The following WDPCP variants were observed in gnomAD, a reference collection of about 807,000 sequenced individuals.
WDPCP encodes WD repeat containing planar cell polarity effector.
In WDPCP, 71 loss-of-function variants were observed where a neutral mutation model predicts 93.1. The ratio of observed to expected loss-of-function variants is 0.76; its 90% confidence interval spans 0.63 to 0.93. The LOEUF is 0.93. WDPCP is among the 40% of genes least tolerant of loss of function. The pLI is 0.00. For missense variants in WDPCP, 844 were observed against 887.4 expected (o/e 0.95, Z 0.62); for synonymous variants, 315 against 315.0 (o/e 1.00, Z 0.00).
chr2:63,304,538 T>C (rs1368977879), intron 13 of WDPCP, among the ~76,000 whole-genome samples: 2 of 152,302 alleles, frequency 1.3e-5, no homozygotes, highest in Middle Eastern at 3.4e-3. Context: ...TGTGAGGGAC[T>C]GTACCGTGAG....
At chr2:63,491,293 T>A (rs1386623927) in intron 2 of WDPCP, among the ~76,000 whole-genome samples, 1 of 152,188 alleles carries the variant, frequency 6.6e-6, no homozygotes, top group African/African-American at 2.4e-5. Context: ...TTGAAGATAT[T>A]CCTCAAATAT....
chr2:63,624,501 TA>T (rs1575732826), intron 3 of WDPCP, among the ~76,000 whole-genome samples: 1 of 152,038 alleles, frequency 6.6e-6, no homozygotes, highest in East Asian at 1.9e-4. Flanking sequence ...AAGGGGAGAT[TA>T]CCACTGATCC....
At chr2:63,274,836 A>G (rs1682956297) in intron 13 of WDPCP, among the ~76,000 whole-genome samples, 1 of 152,186 alleles carries the variant, frequency 6.6e-6, no homozygotes, top group African/African-American at 2.4e-5. Context: ...CCCAACAAAG[A>G]AAAGCCAACT....
At chr2:63,736,985 G>T (rs1669647948) in intron 2 of WDPCP, among the ~76,000 whole-genome samples, 1 of 151,904 alleles carries the variant, frequency 6.6e-6, no homozygotes, top group Non-Finnish European at 1.5e-5. Flanking sequence ...TTACCTTATA[G>T]ACTCAAACGA....
At chr2:63,479,218 G>A (rs1700133159) in intron 6 of WDPCP, among the ~76,000 whole-genome samples, 1 of 151,984 alleles carries the variant, frequency 6.6e-6, no homozygotes, top group African/African-American at 2.4e-5. Context: ...ACAAAAAAAA[G>A]TCCAGGACCA....
Position 63,588,310 on chromosome 2 carries a change from G to T in WDPCP, c.-39C>A. On this transcript the variant is annotated 5_prime_UTR_variant, in exon 1 of 18. Transcript: ENST00000272321. ...CCCGGGCAGAAGGTTCCTAGGCTAG[G>T]TCCTCGGACCCGAGAGGGAGCGACA... is the stretch of plus-strand genomic sequence containing the variant. 1 of 1,556,436 alleles carries T rather than the reference G, an allele frequency of 6.4e-7. No homozygotes were observed. The highest frequency in any genetic ancestry group is 8.7e-7 in the Non-Finnish European group (1 of 1,148,154).
At chr2:63,594,374 T>C in intron 3 of WDPCP, 2 of 878,476 alleles carry the variant, frequency 2.3e-6, no homozygotes, top group Non-Finnish European at 3.9e-6. Flanking sequence ...AAAAGGACTT[T>C]AAAATTTTAC....
chr2:63,647,413 C>T (rs1023173333), intron 3 of WDPCP, among the ~76,000 whole-genome samples: 3 of 152,102 alleles, frequency 2.0e-5, no homozygotes, highest in Non-Finnish European at 4.4e-5. Context: ...AGATTACAGG[C>T]GTGAGCCACC....
At chr2:63,484,486 A>G (rs1700447902) in intron 6 of WDPCP, 118 bp downstream of exon 6, 1 of 1,107,034 alleles carries the variant, frequency 9.0e-7, no homozygotes, top group Non-Finnish European at 1.3e-6. Flanking sequence ...CAAACTATGA[A>G]ATAACCACTG....
At chr2:63,287,657 A>G (rs938670106) in intron 13 of WDPCP, among the ~76,000 whole-genome samples, 3 of 152,198 alleles carry the variant, frequency 2.0e-5, no homozygotes, top group African/African-American at 7.2e-5. Context: ...CTTGAATTCC[A>G]GTTATAAATT....
At chr2:63,195,621 C>T (rs1675370633) in intron 14 of WDPCP, among the ~76,000 whole-genome samples, 1 of 151,796 alleles carries the variant, frequency 6.6e-6, no homozygotes, top group Admixed American at 6.6e-5. Context: ...CCAGGACAGA[C>T]ATAGATTTTT....
intron 1 of WDPCP, among the ~76,000 whole-genome samples, chr2:63,572,700 T>TCAAAAAAAAAAAAAAAAAA (rs1707611491): frequency 3.7e-4 from 1 of 2,724 alleles, no homozygotes; most frequent in Non-Finnish European, 5.5e-4. Context: ...AGACTCTGTC[T>TCAAAAAAAAAAAAAAAAAA]CAAAAAAAAA....
chr2:63,798,572 A>G (rs1014522524), intron 2 of WDPCP, among the ~76,000 whole-genome samples: 5 of 152,136 alleles, frequency 3.3e-5, no homozygotes, highest in Non-Finnish European at 7.4e-5. Flanking sequence ...CATATAATGG[A>G]TACACAAAAA....
At chr2:63,212,347 A>T (rs1676895193) in intron 14 of WDPCP, among the ~76,000 whole-genome samples, 1 of 152,300 alleles carries the variant, frequency 6.6e-6, no homozygotes, top group African/African-American at 2.4e-5. Flanking sequence ...TCAACCCAGA[A>T]TTTCATATCC....
At chr2:63,458,753 A>G (rs568255301) in intron 6 of WDPCP, among the ~76,000 whole-genome samples, 53 of 152,320 alleles carry the variant, frequency 3.5e-4, no homozygotes, top group African/African-American at 1.2e-3. Flanking sequence ...TGGAACCAAA[A>G]AAGAACCCAA....
intron 2 of WDPCP, among the ~76,000 whole-genome samples, chr2:63,743,304 A>G: frequency 6.6e-6 from 1 of 152,090 alleles, no homozygotes; most frequent in African/African-American, 2.4e-5. Context: ...CAACTATTTC[A>G]GTAAGGTCAT....
At chr2:63,597,684 A>G (rs1709343870) in intron 3 of WDPCP, 2 of 969,232 alleles carry the variant, frequency 2.1e-6, no homozygotes, top group Non-Finnish European at 1.4e-6. Context: ...GTTCTGTACA[A>G]TCATCAGTAA....
chr2:63,173,846 A>G (rs1329967021), intron 15 of WDPCP, among the ~76,000 whole-genome samples: 1 of 152,230 alleles, frequency 6.6e-6, no homozygotes, highest in Non-Finnish European at 1.5e-5. Flanking sequence ...GTGGGTATGT[A>G]TAATTGATAT....
chr2:63,227,529 G>C (rs1337642351), intron 14 of WDPCP, among the ~76,000 whole-genome samples: 2 of 151,950 alleles, frequency 1.3e-5, no homozygotes, highest in Non-Finnish European at 2.9e-5. Flanking sequence ...CAACTAATCT[G>C]TAACATGCAA....
Sources: allele counts gnomAD v4.1 joint callset (sites outside exome capture counted in the v4.1 genomes callset), GRCh38; gene constraint gnomAD v4.1.1; transcripts MANE v1.5; gene names NCBI Gene and HGNC (gene_info 2026-07-23, HGNC 2026-07-21).